MEAF6: variants seen among roughly 807,000 people sequenced by gnomAD.
The protein encoded by MEAF6 is chromatin modification-related protein MEAF6.
A neutral mutation model predicts 28.9 loss-of-function variants in MEAF6; 15 were observed. The ratio of observed to expected loss-of-function variants is 0.52; its 90% CI spans 0.35 to 0.80. The LOEUF (loss-of-function observed/expected upper bound fraction) is 0.80, where lower values mean the gene tolerates loss of function less well. MEAF6 is among the 30% of genes least tolerant of loss of function. The pLI, the probability that MEAF6 is intolerant of heterozygous loss-of-function variation, is 0.01. For synonymous variants in MEAF6, 97 were observed against 88.7 expected (o/e 1.09, Z -0.53); for missense variants, 178 against 237.5 (o/e 0.75, Z 1.65).
intron 5 of MEAF6, chr1:37,496,677 A>T (rs758317934): frequency 3.8e-6 from 6 of 1,580,238 alleles, no homozygotes; most frequent in Non-Finnish European, 5.2e-6. Flanking sequence ...CACTAAACAC[A>T]GCACAAATAC....
intron 1 of MEAF6, 61 bp downstream of exon 1, chr1:37,514,596 G>A (rs1363957088): frequency 4.4e-6 from 6 of 1,349,808 alleles, no homozygotes; most frequent in African/African-American, 1.5e-5. Flanking sequence ...CCGGGCTTGG[G>A]GCCTGGAGGC....
At chr1:37,495,703 A>C (rs199564498) in intron 6 of MEAF6, among the ~76,000 whole-genome samples, 182 bp downstream of exon 6, 15 of 113,052 alleles carry the variant, frequency 1.3e-4, no homozygotes, top group Middle Eastern at 3.7e-3. Flanking sequence ...AAAACAAAAA[A>C]CAAAAAAAAA....
chr1:37,498,731 A>T (rs1038252236), intron 5 of MEAF6, among the ~76,000 whole-genome samples: 5 of 151,736 alleles, frequency 3.3e-5, no homozygotes, highest in African/African-American at 7.3e-5. Context: ...GCACCTGGCC[A>T]CTATATGGTA....
intron 4 of MEAF6, among the ~76,000 whole-genome samples, chr1:37,508,496 C>T (rs187358696): frequency 4.0e-5 from 6 of 151,820 alleles, no homozygotes; most frequent in African/African-American, 1.5e-4. Context: ...CTAGGCTGGT[C>T]TTGAACTTGA....
chr1:37,495,709 A>C (rs1432144956), intron 6 of MEAF6, among the ~76,000 whole-genome samples, 176 bp downstream of exon 6: 56 of 133,572 alleles, frequency 4.2e-4, no homozygotes, highest in African/African-American at 5.8e-4. Context: ...AAAAACAAAA[A>C]AAAAAAAAAA....
chr1:37,505,709 T>C (rs962609452), intron 4 of MEAF6, among the ~76,000 whole-genome samples: 2 of 152,214 alleles, frequency 1.3e-5, no homozygotes, highest in African/African-American at 4.8e-5. Context: ...AAAGCTGCAG[T>C]AATCAACACT....
chr1:37,495,704 C>CAAAAAAA (rs1217893546), intron 6 of MEAF6, among the ~76,000 whole-genome samples, 181 bp downstream of exon 6: 1 of 64,452 alleles, frequency 1.6e-5, no homozygotes, highest in Non-Finnish European at 3.3e-5. Flanking sequence ...AAACAAAAAA[C>CAAAAAAA]AAAAAAAAAA....
chr1:37,509,567 T>C (rs1440310503), intron 2 of MEAF6, 25 bp from the exon 3 acceptor site: 2 of 1,597,678 alleles, frequency 1.3e-6, no homozygotes, highest in Non-Finnish European at 1.7e-6. Context: ...AAACTCATTA[T>C]GAGCACCAAG....
Position 37,492,210 on chromosome 1 carries a change from A to G in MEAF6, c.*1889T>C, listed in dbSNP as rs908317592. On this transcript the variant is annotated 3_prime_UTR_variant, in exon 7 of 7. Coordinates refer to ENST00000296214, the MANE Select transcript of MEAF6 (RefSeq NM_001270875.3). ...CGCTCAGCTAATTTTTTGCATTTTT[A>G]GTAGAGATGGGGTTTCACTGTGTTC... 6.6e-6 allele frequency among the ~76,000 whole-genome samples: 1 copy of G among 151,934 alleles called. No individual in the cohort carries two copies. The highest frequency in any genetic ancestry group is 2.1e-4 in the South Asian group (1 of 4,818).
chr1:37,508,875 T>C (rs1251031411), intron 4 of MEAF6, among the ~76,000 whole-genome samples: 1 of 152,144 alleles, frequency 6.6e-6, no homozygotes, highest in African/African-American at 2.4e-5. Context: ...AGTGGGAGGA[T>C]TATTTGATGC....
intron 5 of MEAF6, among the ~76,000 whole-genome samples, chr1:37,499,295 T>C (rs546993660): frequency 6.6e-6 from 1 of 152,194 alleles, no homozygotes; most frequent in East Asian, 1.9e-4. Flanking sequence ...TGAAATAATT[T>C]ATTATTGACT....
rs548543767 is a variant in MEAF6 at position 37,490,077 on chromosome 1, A to T, written c.*4022T>A. Among the ~76,000 whole-genome samples the T allele has an allele frequency of 2.6e-5, 4 of 152,296 alleles. No individual in the cohort carries two copies. Among genetic ancestry groups the T allele is most frequent in the African/African-American group, 9.6e-5 (4 of 41,552 alleles). Reference sequence around the variant, plus strand: ...GATGTATATTTGATGTATATATATAAAATACATCCAAAGTGAGAAACTAAA... The same window carrying T: ...GATGTATATTTGATGTATATATATATAATACATCCAAAGTGAGAAACTAAA... On this transcript the variant is annotated 3_prime_UTR_variant, in exon 7 of 7. Coordinates refer to ENST00000296214, the MANE Select transcript of MEAF6 (RefSeq NM_001270875.3).
chr1:37,509,427 GAA>G (rs1557612094), intron 3 of MEAF6, 26 bp downstream of exon 3: 1 of 1,611,456 alleles, frequency 6.2e-7, no homozygotes, highest in Non-Finnish European at 8.5e-7. Context: ...ACAGGCCAAA[GAA>G]AGATTCCCCC....
chr1:37,492,146 A>G lies in MEAF6; in HGVS notation c.*1953T>C, dbSNP rs957439172. On this transcript the variant is annotated 3_prime_UTR_variant, in exon 7 of 7. Coordinates refer to ENST00000296214, the MANE Select transcript of MEAF6 (RefSeq NM_001270875.3). ...CAGGTTCATGCCATTCTCCTGCCTC[A>G]GCCTCCCGAGTAGCTGGGACTACCG... 6.6e-6 allele frequency among the ~76,000 whole-genome samples: 1 copy of G among 151,814 alleles called. No individual in the cohort carries two copies. The highest frequency in any genetic ancestry group is 2.4e-5 in the African/African-American group (1 of 41,282).
chr1:37,504,698 G>A (rs1180966307), intron 4 of MEAF6, among the ~76,000 whole-genome samples: 1 of 149,608 alleles, frequency 6.7e-6, no homozygotes, highest in African/African-American at 2.5e-5. Flanking sequence ...CTTGAACCCG[G>A]GAGGTGGAGG....
rs1042943780 is a variant in MEAF6, at chr1:37,492,393, C to A, written c.*1706G>T. On this transcript the variant is annotated 3_prime_UTR_variant, in exon 7 of 7. Coordinates refer to ENST00000296214, the MANE Select transcript of MEAF6 (RefSeq NM_001270875.3). The stretch of plus-strand genomic sequence containing the variant: ...CCAAAAGGAAGGAAACTGTAGGCAT[C>A]CCACTCCTCCCTCCCAGCAAAGGAG... Among the ~76,000 whole-genome samples, 1 of 151,862 alleles carries A rather than the reference C, an allele frequency of 6.6e-6. No individual in the cohort carries two copies. The highest frequency in any genetic ancestry group is 1.5e-5 in the Non-Finnish European group (1 of 67,990).
chr1:37,493,768 A>G lies in MEAF6; in HGVS notation c.*331T>C. The G allele has an allele frequency of 6.5e-7, 1 of 1,549,576 alleles. No homozygotes were observed. The highest frequency in any genetic ancestry group is 8.7e-7 in the Non-Finnish European group (1 of 1,145,984). On this transcript the variant is annotated 3_prime_UTR_variant, in exon 7 of 7. Coordinates refer to ENST00000296214, the MANE Select transcript of MEAF6 (RefSeq NM_001270875.3). ...AACCAGAGAACATTTCTTGAAGGGTATCACAGATGAAGCTGGTGCCAGCCA... is the reference window on the plus strand; with the variant it reads ...AACCAGAGAACATTTCTTGAAGGGTGTCACAGATGAAGCTGGTGCCAGCCA...
At chr1:37,502,026 T>A (rs543296788) in intron 4 of MEAF6, 30 bp from the exon 5 acceptor site, 1 of 1,573,922 alleles carries the variant, frequency 6.4e-7, no homozygotes. Flanking sequence ...AGTTTCCAAA[T>A]GCATCATCAG....
At chr1:37,497,559 A>G (rs1569956865) in intron 5 of MEAF6, among the ~76,000 whole-genome samples, 1 of 151,752 alleles carries the variant, frequency 6.6e-6, no homozygotes, top group African/African-American at 2.4e-5. Context: ...TAAGAAACAC[A>G]AAAGTCTGCA....
Sources: allele counts gnomAD v4.1 joint callset (sites outside exome capture counted in the v4.1 genomes callset), GRCh38; gene constraint gnomAD v4.1.1; transcripts MANE v1.5; gene names NCBI Gene and HGNC (gene_info 2026-07-23, HGNC 2026-07-21).